Variants in TNKS2 observed in about 807,000 individuals in gnomAD.
TNKS2 encodes the protein tankyrase 2.
A neutral mutation model predicts 137.6 loss-of-function variants in TNKS2; 72 were observed. The ratio of observed to expected loss-of-function variants is 0.52; its 90% CI spans 0.43 to 0.64. The LOEUF (loss-of-function observed/expected upper bound fraction) is 0.64, where lower values mean the gene tolerates loss of function less well. Ranked by LOEUF, TNKS2 falls within the 30% of genes least tolerant of loss-of-function variation. The pLI is 0.00. For synonymous variants in TNKS2, 516 were observed against 512.1 expected (o/e 1.01, Z -0.10); for missense variants, 1,049 against 1,410.2 (o/e 0.74, Z 4.10).
At chr10:91,825,204 G>A (rs558387289) in intron 7 of TNKS2, among the ~76,000 whole-genome samples, 1 of 152,158 alleles carries the variant, frequency 6.6e-6, no homozygotes, top group African/African-American at 2.4e-5. Context: ...CCGGGCTCAG[G>A]TGATCCTCCC....
chr10:91,853,551 A>G (rs1246492218), intron 21 of TNKS2, among the ~76,000 whole-genome samples: 1 of 152,232 alleles, frequency 6.6e-6, no homozygotes, highest in Non-Finnish European at 1.5e-5. Flanking sequence ...CTAACAATCT[A>G]TCATGCTGAC....
At chr10:91,837,243 A>C (rs1198446713) in intron 13 of TNKS2, among the ~76,000 whole-genome samples, 1 of 152,194 alleles carries the variant, frequency 6.6e-6, no homozygotes, top group African/African-American at 2.4e-5. Context: ...GGTAATACCA[A>C]ATGGGTTTTG....
intron 13 of TNKS2, 87 bp from the exon 14 acceptor site, chr10:91,840,474 C>T: frequency 1.7e-5 from 20 of 1,198,784 alleles, no homozygotes; most frequent in Non-Finnish European, 2.3e-5. Flanking sequence ...ATAAGTCAGA[C>T]ACTTTGAAAA....
intron 7 of TNKS2, among the ~76,000 whole-genome samples, chr10:91,825,811 A>G (rs188729090): frequency 6.6e-6 from 1 of 152,378 alleles, no homozygotes; most frequent in East Asian, 1.9e-4. Context: ...AGTGTTAGCA[A>G]GGATATGTAG....
intron 14 of TNKS2, among the ~76,000 whole-genome samples, chr10:91,841,028 T>A (rs1589680119): frequency 6.6e-6 from 1 of 152,162 alleles, no homozygotes; most frequent in Non-Finnish European, 1.5e-5. Flanking sequence ...AGTTATTTTT[T>A]ATTAAAAATA....
At chr10:91,807,490 C>G in intron 1 of TNKS2, 1 of 1,525,106 alleles carries the variant, frequency 6.6e-7, no homozygotes, top group Non-Finnish European at 9.1e-7. Flanking sequence ...GAACCCGGCC[C>G]AACAAACTAC....
At position 91,863,042 on chromosome 10, in the gene TNKS2, C is replaced by A; in HGVS notation, c.*43C>A. On this transcript the variant is annotated 3_prime_UTR_variant, in exon 27 of 27. Coordinates refer to ENST00000371627, the MANE Select transcript of TNKS2 (RefSeq NM_025235.4). The stretch of plus-strand genomic sequence containing the variant: ...CTAATTCCACTGAACCTAAAATCAT[C>A]AAAGCAGCAGTGGCCTCTACGTTTT... 6.8e-7 allele frequency: 1 copy of A among 1,468,950 alleles called. No individual in the cohort carries two copies. The highest frequency in any genetic ancestry group is 9.5e-7 in the Non-Finnish European group (1 of 1,053,998). The allele number at this position is 1,468,950 out of a possible 1,614,324, so 91.0% of individuals were successfully genotyped here.
In TNKS2 at chr10:91,845,827, T is replaced by C; in HGVS notation, c.2245T>C (p.Leu749=). The stretch of plus-strand genomic sequence containing the variant: ...CACGGACAAATGGGCTTTCACACCT[T>C]TGCACGAAGCAGCCCAAAAGGGACG... ...NATDKWAFTP[L]HEAAQKGRTQ... is the part of the protein sequence containing the mutation. Residue 749 remains leucine, a synonymous_variant, in exon 18 of 27, where the codon TTG becomes CTG. Transcript: ENST00000371627. 6.2e-7 allele frequency: 1 copy of C among 1,609,662 alleles called. No individual in the cohort carries two copies. Among genetic ancestry groups the C allele is most frequent in the African/African-American group, 1.3e-5 (1 of 75,018 alleles).
rs770336690 is a variant in TNKS2 at position 91,842,435 on chromosome 10, G to A, written c.2059+44G>A. 2.6e-6 allele frequency: 4 copies of A among 1,555,986 alleles called. No individual in the cohort carries two copies. In the Admixed American group the frequency reaches 5.2e-5, roughly 20 times the overall value. On this transcript the variant is annotated intron_variant, in intron 16 of 26. Coordinates refer to ENST00000371627, the MANE Select transcript of TNKS2 (RefSeq NM_025235.4). ...ACAGATTTAGGCTGGTAATATCTGAGATTCATTTTACCCAGGTAAAATATT... is the reference window on the plus strand; with the variant it reads ...ACAGATTTAGGCTGGTAATATCTGAAATTCATTTTACCCAGGTAAAATATT...
At chr10:91,846,493 A>C (rs1233268001) in intron 18 of TNKS2, among the ~76,000 whole-genome samples, 2 of 152,180 alleles carry the variant, frequency 1.3e-5, no homozygotes, top group African/African-American at 4.8e-5. Flanking sequence ...CAGAGCATGG[A>C]GCAGGTGTAG....
chr10:91,823,050 CAAA>C (rs879552963), intron 7 of TNKS2, among the ~76,000 whole-genome samples: 1 of 109,350 alleles, frequency 9.1e-6, no homozygotes. Context: ...GACCTTGTCT[CAAA>C]AAAAAAAAAA....
Position 91,833,840 on chromosome 10 carries a change from C to T in TNKS2, c.1276-13C>T. On this transcript the variant is annotated splice_polypyrimidine_tract_variant and intron_variant, in intron 11 of 26. Transcript: ENST00000371627. ...CATTGCGGGCTAATTTCAATTTTTT[C>T]TGCTTTGTTAAGGTTAATGCTCTGG... is the stretch of plus-strand genomic sequence containing the variant. The T allele has an allele frequency of 6.4e-7, 1 of 1,550,834 alleles. No individual in the cohort carries two copies. The highest frequency in any genetic ancestry group is 8.7e-7 in the Non-Finnish European group (1 of 1,150,736).
Position 91,798,578 on chromosome 10 carries a change from C to G in TNKS2, c.-113C>G. On this transcript the variant is annotated 5_prime_UTR_variant, in exon 1 of 27. Coordinates refer to ENST00000371627, the MANE Select transcript of TNKS2 (RefSeq NM_025235.4). Reference sequence around the variant, plus strand: ...GATCCGGTGACAGCAGGGAGCCAAGCGGCCCGGGCCCTGAGCGCGTCTTCT... The same window carrying G: ...GATCCGGTGACAGCAGGGAGCCAAGGGGCCCGGGCCCTGAGCGCGTCTTCT... 2.6e-6 allele frequency: 3 copies of G among 1,152,606 alleles called. No individual in the cohort carries two copies. In the South Asian group the frequency reaches 1.3e-4, roughly 52 times the overall value. The allele number at this position is 1,152,606 out of a possible 1,614,324, so 71.4% of individuals were successfully genotyped here. A position where few individuals can be genotyped will look rare whatever the true frequency, so the allele number is the denominator to read the frequency against.
intron 7 of TNKS2, among the ~76,000 whole-genome samples, chr10:91,825,089 G>T (rs553890050): frequency 1.3e-4 from 19 of 151,580 alleles, no homozygotes; most frequent in East Asian, 3.9e-4. Flanking sequence ...GTTTGGTTTG[G>T]TTTTTTTTGT....
intron 9 of TNKS2, 99 bp from the exon 10 acceptor site, chr10:91,830,823 AG>A: frequency 9.6e-7 from 1 of 1,041,572 alleles, no homozygotes; most frequent in Non-Finnish European, 1.4e-6. Context: ...TAAAACAAAA[AG>A]ATTAAATAAC....
rs1842912624 is a variant in TNKS2 at position 91,863,814 on chromosome 10, T to C, written c.*815T>C. 6.6e-6 allele frequency: 1 copy of C among 152,150 alleles called. No individual in the cohort carries two copies. The highest frequency in any genetic ancestry group is 1.5e-5 in the Non-Finnish European group (1 of 68,006). 9.4% of individuals were successfully genotyped at this position (152,150 alleles called of 1,614,324 possible). The stretch of plus-strand genomic sequence containing the variant: ...ATGTTGGAAAATTTTCTGCAGTCCT[T>C]CTGTGAAAATTAGAGCAAAGTGCTC... On this transcript the variant is annotated 3_prime_UTR_variant, in exon 27 of 27. Coordinates refer to ENST00000371627, the MANE Select transcript of TNKS2 (RefSeq NM_025235.4).
At chr10:91,825,498 C>G (rs928775385) in intron 7 of TNKS2, among the ~76,000 whole-genome samples, 4 of 152,042 alleles carry the variant, frequency 2.6e-5, no homozygotes, top group Non-Finnish European at 5.9e-5. Flanking sequence ...AAGATGAGTG[C>G]CCTTTATGAT....
chr10:91,832,572 C>T (rs1373994473), intron 11 of TNKS2, among the ~76,000 whole-genome samples: 1 of 151,824 alleles, frequency 6.6e-6, no homozygotes, highest in Non-Finnish European at 1.5e-5. Context: ...ATTTTTCAGG[C>T]CCTGTAAGCA....
chr10:91,823,016 G>T (rs1844948543), intron 7 of TNKS2, among the ~76,000 whole-genome samples: 1 of 149,084 alleles, frequency 6.7e-6, no homozygotes, highest in Admixed American at 6.7e-5. Flanking sequence ...TTGCACCACT[G>T]CACTCCAGCG....
Sources: allele counts gnomAD v4.1 joint callset (sites outside exome capture counted in the v4.1 genomes callset), GRCh38; gene constraint gnomAD v4.1.1; transcripts MANE v1.5; gene names NCBI Gene and HGNC (gene_info 2026-07-23, HGNC 2026-07-21).